The following AGTPBP1 variants were observed in gnomAD, a reference collection of about 807,000 sequenced individuals.
AGTPBP1 encodes the protein ATP/GTP binding carboxypeptidase 1, also known as cytosolic carboxypeptidase 1.
A neutral mutation model predicts 143.9 loss-of-function variants in AGTPBP1; 70 were observed. The ratio of observed to expected loss-of-function variants is 0.49; its 90% CI spans 0.40 to 0.59. The LOEUF (loss-of-function observed/expected upper bound fraction) is 0.59. Among genes scored for constraint, AGTPBP1 ranks in the 20% least tolerant of loss-of-function variants. AGTPBP1 has a pLI of 0.00. For synonymous variants in AGTPBP1, 463 were observed against 500.2 expected (o/e 0.93, Z 0.99); for missense variants, 1,229 against 1,464.5 (o/e 0.84, Z 2.62).
At chr9:85,657,095 G>A (rs2133948399) in intron 10 of AGTPBP1, among the ~76,000 whole-genome samples, 1 of 151,732 alleles carries the variant, frequency 6.6e-6, no homozygotes, top group Admixed American at 6.6e-5. Context: ...ACGAGTTAGT[G>A]GGTGCAGTGC....
intron 25 of AGTPBP1, among the ~76,000 whole-genome samples, chr9:85,574,487 A>G (rs1210981136): frequency 6.6e-6 from 1 of 151,022 alleles, no homozygotes. Flanking sequence ...AAAAAGAATT[A>G]TGACATGAAA....
upstream of AGTPBP1, among the ~76,000 whole-genome samples, chr9:85,745,887 A>T (rs1314194732): frequency 6.6e-6 from 1 of 152,160 alleles, no homozygotes; most frequent in Admixed American, 6.5e-5. Flanking sequence ...ATCATTTTCT[A>T]ACAAAGAGCA....
At chr9:85,708,710 A>G (rs1412135634) in intron 2 of AGTPBP1, among the ~76,000 whole-genome samples, 1 of 151,600 alleles carries the variant, frequency 6.6e-6, no homozygotes, top group Non-Finnish European at 1.5e-5. Context: ...TAGTTTTTAT[A>G]TTTTTAGTAG....
intron 1 of AGTPBP1, among the ~76,000 whole-genome samples, chr9:85,736,104 T>C (rs539431491): frequency 6.6e-6 from 1 of 152,334 alleles, no homozygotes; most frequent in South Asian, 2.1e-4. Context: ...CACTGTTTAA[T>C]ATTTACATTC....
At chr9:85,770,390 C>T in the AGTPBP1 span, 4 of 1,603,896 alleles carry the variant, frequency 2.5e-6, no homozygotes, top group South Asian at 2.2e-5. Context: ...CTTAGAGCAT[C>T]ATTCCATAAC....
Position 85,655,273 on chromosome 9 carries a change from AC to A in AGTPBP1, c.956del (p.Ser319IlefsTer2), listed in dbSNP as rs1448731066. The A allele has an allele frequency of 2.5e-6, 4 of 1,571,740 alleles. No individual in the cohort carries two copies. The Admixed American group carries it at 7.5e-5, about 29-fold the overall frequency. ...RTLDPLVNTSSLIMRKCFPKN... is the reference protein window; with the variant it reads ...RTLDPLVNTSXLIMRKCFPKN... ...TTGGGAAACACTTCCTCATTATCAG[AC>A]TGGAGGTATTGACAAGAGGATCCAG... On this transcript the variant is annotated frameshift_variant, in exon 11 of 26. Transcript: ENST00000357081. LOFTEE classifies it high-confidence loss of function.
chr9:85,592,341 A>C (rs1456006101), intron 19 of AGTPBP1, among the ~76,000 whole-genome samples: 1 of 152,060 alleles, frequency 6.6e-6, no homozygotes, highest in Non-Finnish European at 1.5e-5. Context: ...CAAAATCTTC[A>C]ACACTAAACC....
chr9:85,689,918 AAAAAAAAAT>A (rs1318776769), intron 3 of AGTPBP1, among the ~76,000 whole-genome samples: 8 of 133,282 alleles, frequency 6.0e-5, no homozygotes, highest in African/African-American at 2.4e-4. Flanking sequence ...AAAAAAAAAA[AAAAAAAAAT>A]ATATATATAT....
the AGTPBP1 span, among the ~76,000 whole-genome samples, chr9:85,779,462 G>A: frequency 6.6e-6 from 1 of 152,044 alleles, no homozygotes; most frequent in Non-Finnish European, 1.5e-5. Flanking sequence ...GAAAGATGTA[G>A]GCTGGGAGGC....
At chr9:85,716,574 C>T (rs1422311905) in intron 1 of AGTPBP1, among the ~76,000 whole-genome samples, 1 of 152,158 alleles carries the variant, frequency 6.6e-6, no homozygotes, top group African/African-American at 2.4e-5. Flanking sequence ...GTCTCCTGTC[C>T]CACATCCAAT....
chr9:85,789,805 A>G, the AGTPBP1 span, among the ~76,000 whole-genome samples: 5 of 152,324 alleles, frequency 3.3e-5, no homozygotes, highest in East Asian at 1.9e-4. Context: ...AATTCCTTAT[A>G]TAGAAAAAAA....
the AGTPBP1 span, among the ~76,000 whole-genome samples, chr9:85,747,878 C>T: frequency 6.6e-6 from 1 of 152,082 alleles, no homozygotes. Context: ...GATTTATATT[C>T]AAGCAATACT....
intron 13 of AGTPBP1, among the ~76,000 whole-genome samples, chr9:85,638,193 T>C (rs916205457): frequency 6.6e-6 from 1 of 152,160 alleles, no homozygotes; most frequent in Non-Finnish European, 1.5e-5. Context: ...TTTCCATTTA[T>C]GGCTGAGGGA....
intron 6 of AGTPBP1, among the ~76,000 whole-genome samples, chr9:85,675,804 T>C (rs1834792719): frequency 1.3e-5 from 2 of 152,232 alleles, no homozygotes; most frequent in South Asian, 2.1e-4. Flanking sequence ...GGTGGGCGGA[T>C]CATGAGGTCT....
intron 22 of AGTPBP1, among the ~76,000 whole-genome samples, chr9:85,586,341 A>G (rs999833206): frequency 1.3e-5 from 2 of 152,224 alleles, no homozygotes; most frequent in Non-Finnish European, 1.5e-5. Flanking sequence ...AGGACATGTC[A>G]ATTTTACTCC....
intron 1 of AGTPBP1, among the ~76,000 whole-genome samples, chr9:85,735,821 A>C (rs895399504): frequency 6.6e-6 from 1 of 152,184 alleles, no homozygotes; most frequent in Non-Finnish European, 1.5e-5. Context: ...GATTTTTATT[A>C]ACATTATCCG....
At chr9:85,628,875 C>G (rs1174360125) in intron 14 of AGTPBP1, among the ~76,000 whole-genome samples, 1 of 152,048 alleles carries the variant, frequency 6.6e-6, no homozygotes, top group East Asian at 1.9e-4. Flanking sequence ...GCCACCACAC[C>G]CAGCTAATTT....
In AGTPBP1 at chr9:85,546,678, C is replaced by T. The variant is rs1027638916; in HGVS notation, c.*431G>A. The T allele has an allele frequency of 6.5e-6, 1 of 152,842 alleles. No individual in the cohort carries two copies. The highest frequency in any genetic ancestry group is 1.5e-5 in the Non-Finnish European group (1 of 68,574). The allele number at this position is 152,842 out of a possible 1,614,324, so 9.5% of individuals were successfully genotyped here. A position where few individuals can be genotyped will look rare whatever the true frequency, so the allele number is the denominator to read the frequency against. Reference sequence around the variant, plus strand: ...GAACAGTCTTATCTGCAATATCTACCCACTTCTAAACAAACACATCTATAG... The same window carrying T: ...GAACAGTCTTATCTGCAATATCTACTCACTTCTAAACAAACACATCTATAG... On this transcript the variant is annotated 3_prime_UTR_variant, in exon 26 of 26. Coordinates refer to ENST00000357081, the MANE Select transcript of AGTPBP1 (RefSeq NM_001330701.2).
chr9:85,598,426 A>T (rs774971689), intron 17 of AGTPBP1, among the ~76,000 whole-genome samples: 3 of 152,206 alleles, frequency 2.0e-5, no homozygotes, highest in Non-Finnish European at 4.4e-5. Flanking sequence ...AGTGAATCAA[A>T]CAATCAATCT....
Sources: allele counts gnomAD v4.1 joint callset (sites outside exome capture counted in the v4.1 genomes callset), GRCh38; gene constraint gnomAD v4.1.1; transcripts MANE v1.5; gene names NCBI Gene and HGNC (gene_info 2026-07-23, HGNC 2026-07-21).